The following KCNIP4 variants were observed in gnomAD, a reference collection of about 807,000 sequenced individuals.
The protein encoded by KCNIP4 is potassium voltage-gated channel interacting protein 4, also known as Kv channel-interacting protein 4.
Under a neutral mutation model 34.0 loss-of-function variants are expected in KCNIP4, and 12 were observed. The ratio of observed to expected loss-of-function variants is 0.35; its 90% CI spans 0.23 to 0.57. The LOEUF (loss-of-function observed/expected upper bound fraction) is 0.57, where lower values mean the gene tolerates loss of function less well. KCNIP4 is among the 20% of genes least tolerant of loss of function. KCNIP4 has a pLI of 0.83. For synonymous variants in KCNIP4, 124 were observed against 102.2 expected (o/e 1.21, Z -1.29); for missense variants, 238 against 311.7 (o/e 0.76, Z 1.78).
intron 1 of KCNIP4, among the ~76,000 whole-genome samples, chr4:21,900,229 T>C (rs1302502602): frequency 6.6e-6 from 1 of 152,200 alleles, no homozygotes; most frequent in Non-Finnish European, 1.5e-5. Flanking sequence ...TAAGAGAATT[T>C]GCAGATGGTT....
intron 1 of KCNIP4, among the ~76,000 whole-genome samples, chr4:21,188,105 A>T (rs1017904195): frequency 2.6e-5 from 4 of 152,242 alleles, no homozygotes; most frequent in African/African-American, 9.6e-5. Context: ...CTACTTAAGT[A>T]TGTGGAGGAA....
intron 1 of KCNIP4, among the ~76,000 whole-genome samples, chr4:21,758,748 G>GCCTGCTTCT (rs369630998): frequency 6.6e-6 from 1 of 151,586 alleles, no homozygotes; most frequent in Non-Finnish European, 1.5e-5. Context: ...GCCATATATG[G>GCCTGCTTCT]GCTGCTTCTG....
intron 1 of KCNIP4, among the ~76,000 whole-genome samples, chr4:21,356,278 T>C (rs994948648): frequency 6.6e-6 from 1 of 152,158 alleles, no homozygotes; most frequent in South Asian, 2.1e-4. Flanking sequence ...GGATGCCCTC[T>C]CTCACCATTC....
chr4:20,949,095 C>T (rs1002514310), intron 1 of KCNIP4, among the ~76,000 whole-genome samples: 1 of 152,112 alleles, frequency 6.6e-6, no homozygotes, highest in African/African-American at 2.4e-5. Flanking sequence ...TAAATGTGGC[C>T]TTTCTCCTGC....
chr4:21,480,484 T>C (rs1403983894), intron 1 of KCNIP4, among the ~76,000 whole-genome samples: 1 of 152,170 alleles, frequency 6.6e-6, no homozygotes, highest in African/African-American at 2.4e-5. Flanking sequence ...TTTATAATGA[T>C]GATTCATGAG....
intron 1 of KCNIP4, among the ~76,000 whole-genome samples, chr4:21,395,557 A>AT (rs1320159804): frequency 1.3e-5 from 2 of 151,888 alleles, no homozygotes; most frequent in African/African-American, 4.8e-5. Flanking sequence ...TTTAATCCAT[A>AT]TTTTGTCAGT....
At chr4:21,476,074 G>A (rs1376019671) in intron 1 of KCNIP4, among the ~76,000 whole-genome samples, 1 of 152,114 alleles carries the variant, frequency 6.6e-6, no homozygotes, top group Non-Finnish European at 1.5e-5. Flanking sequence ...TGATTCAAAG[G>A]TGGCTCTCTG....
rs1045790603 is a variant in KCNIP4 at position 21,446,334 on chromosome 4, T to A, written c.61+502237A>T. Reference sequence around the variant, plus strand: ...AAAGACTCTTGCACACATATGTTTATTGCAGCACTATTCACAATAGCAAAG... The same window carrying A: ...AAAGACTCTTGCACACATATGTTTAATGCAGCACTATTCACAATAGCAAAG... On this transcript the variant is annotated intron_variant, in intron 1 of 8. Coordinates refer to ENST00000382152, the MANE Select transcript of KCNIP4 (RefSeq NM_025221.6). 1.2e-4 allele frequency among the ~76,000 whole-genome samples: 18 copies of A among 152,190 alleles called. No individual in the cohort carries two copies. In the South Asian group the frequency reaches 1.9e-3, roughly 16 times the overall value.
intron 1 of KCNIP4, among the ~76,000 whole-genome samples, chr4:21,479,922 A>G (rs1731287336): frequency 6.6e-6 from 1 of 151,798 alleles, no homozygotes; most frequent in Admixed American, 6.6e-5. Context: ...AAGTGAGAAT[A>G]TTAGGAATGA....
intron 1 of KCNIP4, among the ~76,000 whole-genome samples, chr4:21,666,839 AAG>A: frequency 6.6e-6 from 1 of 152,340 alleles, no homozygotes; most frequent in South Asian, 2.1e-4. Flanking sequence ...AGGGGGAGGA[AAG>A]AGAGCCACAT....
At chr4:21,118,450 G>A (rs940554290) in intron 1 of KCNIP4, among the ~76,000 whole-genome samples, 15 of 152,132 alleles carry the variant, frequency 9.9e-5, no homozygotes, top group Non-Finnish European at 2.2e-4. Context: ...CAGCTTCCCT[G>A]TGCCAACAAC....
At chr4:21,762,377 T>C (rs906201292) in intron 1 of KCNIP4, among the ~76,000 whole-genome samples, 4 of 152,162 alleles carry the variant, frequency 2.6e-5, no homozygotes, top group Admixed American at 6.6e-5. Context: ...AAGGACAGCA[T>C]TGCATTGAAA....
In KCNIP4 at chr4:20,737,561, C is replaced by T. The variant is rs528705510; in HGVS notation, c.430-2826G>A. ...AAGAACATGGTGTGGATGCCAGCAG[C>T]TGCTTTGCAGGTGGGAAGATGACTG... On this transcript the variant is annotated intron_variant, in intron 5 of 8. Transcript: ENST00000382152. 1.3e-4 allele frequency among the ~76,000 whole-genome samples: 20 copies of T among 152,272 alleles called. No individual in the cohort carries two copies. The South Asian group carries it at 4.1e-3, about 32-fold the overall frequency.
chr4:21,096,347 C>T (rs1479449019), intron 1 of KCNIP4, among the ~76,000 whole-genome samples: 1 of 152,132 alleles, frequency 6.6e-6, no homozygotes, highest in Non-Finnish European at 1.5e-5. Flanking sequence ...TCTTATTTTA[C>T]TTGCAGATCT....
intron 1 of KCNIP4, among the ~76,000 whole-genome samples, chr4:21,820,215 G>T (rs1279936923): frequency 6.8e-6 from 1 of 146,176 alleles, no homozygotes; most frequent in Non-Finnish European, 1.5e-5. Flanking sequence ...ACAATATACA[G>T]TATAATAAAT....
chr4:21,866,860 C>T (rs1162508306), intron 1 of KCNIP4, among the ~76,000 whole-genome samples: 3 of 150,922 alleles, frequency 2.0e-5, no homozygotes, highest in Non-Finnish European at 4.4e-5. Context: ...CAAGCTCCGC[C>T]TCCCAGGTTC....
chr4:21,588,274 T>G (rs570726676), intron 1 of KCNIP4, among the ~76,000 whole-genome samples: 56 of 152,162 alleles, frequency 3.7e-4, no homozygotes, highest in African/African-American at 1.3e-3. Flanking sequence ...TGTATTTAAC[T>G]TTGAGAAAAC....
intron 1 of KCNIP4, among the ~76,000 whole-genome samples, chr4:21,936,905 A>T (rs571197901): frequency 6.6e-6 from 1 of 152,144 alleles, no homozygotes; most frequent in South Asian, 2.1e-4. Context: ...TCCAGGTATA[A>T]CACGTTTCCC....
At chr4:20,835,866 C>G (rs148456541) in intron 3 of KCNIP4, among the ~76,000 whole-genome samples, 48 of 152,146 alleles carry the variant, frequency 3.2e-4, no homozygotes, top group African/African-American at 1.1e-3. Flanking sequence ...TATTGTTGCT[C>G]TTTCCCTCCT....
Sources: allele counts gnomAD v4.1 joint callset (sites outside exome capture counted in the v4.1 genomes callset), GRCh38; gene constraint gnomAD v4.1.1; transcripts MANE v1.5; gene names NCBI Gene and HGNC (gene_info 2026-07-23, HGNC 2026-07-21).